ACACA: variants seen among roughly 807,000 people sequenced by gnomAD.
The protein encoded by ACACA is acetyl-CoA carboxylase 1.
In ACACA, 103 loss-of-function variants were observed where a neutral mutation model predicts 296.1. The observed-to-expected ratio is 0.35, with a 90% confidence interval of 0.30 to 0.41. The LOEUF is 0.41. Ranked by LOEUF, ACACA falls within the 10% of genes least tolerant of loss-of-function variation. The probability of loss-of-function intolerance (pLI) is 1.00; values close to 1 mark genes in which losing one functional copy is unlikely to be tolerated. For missense variants in ACACA, 1,554 were observed against 2,989.7 expected (o/e 0.52, Z 11.20); for synonymous variants, 953 against 1,038.6 (o/e 0.92, Z 1.58).
At chr17:37,185,998 G>A (rs1017669315) in intron 39 of ACACA, among the ~76,000 whole-genome samples, 3 of 152,176 alleles carry the variant, frequency 2.0e-5, no homozygotes, top group East Asian at 1.9e-4. Flanking sequence ...TACAAAGACT[G>A]TACAAGGAAA....
intron 48 of ACACA, among the ~76,000 whole-genome samples, chr17:37,124,128 G>T (rs918102211): frequency 1.3e-5 from 2 of 152,310 alleles, no homozygotes; most frequent in Middle Eastern, 3.4e-3. Context: ...AATCCCAGAC[G>T]AATACATTTA....
intron 2 of ACACA, among the ~76,000 whole-genome samples, chr17:37,337,109 C>A (rs1185251261): frequency 6.6e-6 from 1 of 152,182 alleles, no homozygotes; most frequent in Non-Finnish European, 1.5e-5. Flanking sequence ...ATCCATTAAT[C>A]TATGCTTTCA....
rs2080030394 is a variant in ACACA, at chr17:37,234,827, G to A, written c.3246+148C>T. The A allele has an allele frequency of 4.4e-6, 4 of 908,172 alleles. No homozygotes were observed. The East Asian group carries it at 1.0e-4, about 24-fold the overall frequency. 56.3% of individuals were successfully genotyped at this position (908,172 alleles called of 1,614,324 possible). On this transcript the variant is annotated intron_variant, in intron 25 of 55. Coordinates refer to ENST00000616317, the MANE Select transcript of ACACA (RefSeq NM_198834.3). ...AGACCAAGGACAAAGGTAGATGTGAGAAACTGTTAATCCACAGCTCAAGCC... is the reference window on the plus strand; with the variant it reads ...AGACCAAGGACAAAGGTAGATGTGAAAAACTGTTAATCCACAGCTCAAGCC...
chr17:37,138,715 C>T (rs9899403), intron 45 of ACACA, among the ~76,000 whole-genome samples: 3,073 of 152,298 alleles, frequency 0.02, 95 homozygotes, highest in African/African-American at 0.07. Flanking sequence ...AGCTTCAGAA[C>T]TAAGAGACCT....
chr17:37,205,926 C>T, intron 32 of ACACA, 54 bp from the exon 33 acceptor site: 1 of 1,349,300 alleles, frequency 7.4e-7, no homozygotes, highest in Non-Finnish European at 1.1e-6. Flanking sequence ...AATACAGATG[C>T]AGATAGAAGT....
At chr17:37,257,304 A>AT (rs1296315942) in intron 14 of ACACA, among the ~76,000 whole-genome samples, 2 of 152,142 alleles carry the variant, frequency 1.3e-5, no homozygotes, top group Non-Finnish European at 2.9e-5. Flanking sequence ...TTGCTAATAG[A>AT]TTTTAAGTCT....
At chr17:37,259,334 C>G in intron 12 of ACACA, 26 bp downstream of exon 12, 2 of 1,613,838 alleles carry the variant, frequency 1.2e-6, no homozygotes, top group East Asian at 2.2e-5. Context: ...TTTCTAGGCT[C>G]TGCAACCCAG....
At chr17:37,258,567 A>C (rs994028566) in intron 12 of ACACA, among the ~76,000 whole-genome samples, 194 bp from the exon 13 acceptor site, 2 of 152,220 alleles carry the variant, frequency 1.3e-5, no homozygotes, top group African/African-American at 4.8e-5. Context: ...AGTAGTTAGA[A>C]TATTCTCCAC....
intron 54 of ACACA, among the ~76,000 whole-genome samples, chr17:37,090,460 A>G (rs930491481): frequency 1.3e-5 from 2 of 152,076 alleles, no homozygotes; most frequent in African/African-American, 4.8e-5. Flanking sequence ...TTCTGACTCA[A>G]ATGTGCCCAG....
chr17:37,258,390 C>T lies in ACACA; in HGVS notation c.1501-17G>A, dbSNP rs1448655963. 1 of 1,613,196 alleles carries T rather than the reference C, an allele frequency of 6.2e-7. No individual in the cohort carries two copies. Among genetic ancestry groups the T allele is most frequent in the African/African-American group, 1.3e-5 (1 of 74,894 alleles). On this transcript the variant is annotated splice_polypyrimidine_tract_variant and intron_variant, in intron 12 of 55. Coordinates refer to ENST00000616317, the MANE Select transcript of ACACA (RefSeq NM_198834.3). ...CATGGCAATCTGAAAGGTAATAAAA[C>T]ACACATCTTTAATTTTTCAGTTACT... is the stretch of plus-strand genomic sequence containing the variant.
chr17:37,200,451 G>A lies in ACACA; in HGVS notation c.4089C>T (p.Arg1363=), dbSNP rs1387077090. 6.2e-7 allele frequency: 1 copy of A among 1,613,314 alleles called. No individual in the cohort carries two copies. The highest frequency in any genetic ancestry group is 8.5e-7 in the Non-Finnish European group (1 of 1,179,398). The change falls in exon 34 of 56, where the codon CGC becomes CGT. Residue 1363 remains arginine, a synonymous_variant. Transcript: ENST00000616317. The stretch of plus-strand genomic sequence containing the variant: ...CCTTTTGTGCAACCAGGAAAGTAAG[G>A]CGCCGGATCCCATGGTCAACCAGGG... The part of the protein sequence containing the change: ...KATLVDHGIR[R]LTFLVAQKDF...
In ACACA at chr17:37,200,122, T is replaced by C. The variant is rs537995534; in HGVS notation, c.4158+17A>G. The C allele has an allele frequency of 9.6e-6, 15 of 1,562,008 alleles. No homozygotes were observed. The Admixed American group carries it at 2.3e-4, about 24-fold the overall frequency. ...TAAAACAGTAAGTAATCTTTCATTATTGTTCATTTTACTTACATGAAATCT... is the reference window on the plus strand; with the variant it reads ...TAAAACAGTAAGTAATCTTTCATTACTGTTCATTTTACTTACATGAAATCT... On this transcript the variant is annotated intron_variant, in intron 35 of 55. Transcript: ENST00000616317.
At chr17:37,205,967 G>GATAC (rs748249931) in intron 32 of ACACA, 95 bp from the exon 33 acceptor site, 160 of 1,063,580 alleles carry the variant, frequency 1.5e-4, no homozygotes, top group Non-Finnish European at 2.0e-4. Flanking sequence ...CTGAAAAAGA[G>GATAC]ATACACCCCA....
intron 9 of ACACA, among the ~76,000 whole-genome samples, chr17:37,271,687 G>A (rs1482597157): frequency 6.6e-6 from 1 of 151,820 alleles, no homozygotes; most frequent in Non-Finnish European, 1.5e-5. Flanking sequence ...AGCTGAAGTG[G>A]GGTTGGGCGT....
At chr17:37,396,500 T>C (rs2051086396) in intron 1 of ACACA, among the ~76,000 whole-genome samples, 1 of 152,180 alleles carries the variant, frequency 6.6e-6, no homozygotes, top group Admixed American at 6.5e-5. Context: ...ACATCCTTCC[T>C]TTTCTGTACT....
chr17:37,111,287 CT>C (rs1048413803), intron 52 of ACACA, among the ~76,000 whole-genome samples: 1 of 152,018 alleles, frequency 6.6e-6, no homozygotes, highest in African/African-American at 2.4e-5. Flanking sequence ...GAAAGACGGG[CT>C]TTTTGTACTC....
At chr17:37,393,447 C>A (rs1597795198) in intron 1 of ACACA, among the ~76,000 whole-genome samples, 1 of 152,124 alleles carries the variant, frequency 6.6e-6, no homozygotes, top group Admixed American at 6.6e-5. Context: ...CCTCACCCTT[C>A]CCAGCCTCAC....
At chr17:37,324,354 G>A (rs1034010927) in intron 3 of ACACA, among the ~76,000 whole-genome samples, 1 of 150,850 alleles carries the variant, frequency 6.6e-6, no homozygotes, top group South Asian at 2.1e-4. Flanking sequence ...CAACAAGAGC[G>A]AAACTCTGTC....
chr17:37,250,825 A>T (rs1001817749), intron 16 of ACACA, among the ~76,000 whole-genome samples: 3 of 152,028 alleles, frequency 2.0e-5, no homozygotes, highest in Non-Finnish European at 4.4e-5. Context: ...GGAGATTGAG[A>T]CCATCCTGGC....
Sources: gnomAD v4.1 joint callset for allele counts (sites outside exome capture counted in the v4.1 genomes callset) on GRCh38, gnomAD v4.1.1 for gene constraint, MANE v1.5 for transcripts, NCBI Gene and HGNC (gene_info 2026-07-23, HGNC 2026-07-21) for gene names.